REXO1: variants seen among roughly 807,000 people sequenced by gnomAD.
The protein encoded by REXO1 is RNA exonuclease 1 homolog.
REXO1 carries 42 observed loss-of-function variants against 102.6 expected under a neutral mutation model. That is an observed-to-expected ratio of 0.41 (90% CI 0.32 to 0.53). REXO1 has a LOEUF of 0.53. Ranked by LOEUF, REXO1 falls within the 20% of genes least tolerant of loss-of-function variation. REXO1 has a pLI of 0.27. For missense variants in REXO1, 1,819 were observed against 1,732.5 expected (o/e 1.05, Z -0.89); for synonymous variants, 908 against 779.1 (o/e 1.17, Z -2.76).
At chr19:1,847,582 G>A (rs2011603357) in intron 1 of REXO1, among the ~76,000 whole-genome samples, 1 of 152,202 alleles carries the variant, frequency 6.6e-6, no homozygotes, top group Admixed American at 6.5e-5. Context: ...ATGACGCTGT[G>A]AGGTGGAGTC....
chr19:1,828,658 G>C (rs760490118), intron 1 of REXO1, 27 bp from the exon 2 acceptor site: 29 of 1,568,864 alleles, frequency 1.8e-5, no homozygotes, highest in Non-Finnish European at 2.2e-5. Flanking sequence ...GCACAGCTGT[G>C]ACCAGCCTGC....
intron 1 of REXO1, among the ~76,000 whole-genome samples, chr19:1,832,224 G>A (rs189779591): frequency 2.6e-4 from 40 of 152,338 alleles, no homozygotes; most frequent in African/African-American, 6.7e-4. Flanking sequence ...GGAAAGGCGG[G>A]CACTGACTCT....
intron 12 of REXO1, 43 bp from the exon 13 acceptor site, chr19:1,816,856 C>T: frequency 7.1e-7 from 1 of 1,409,782 alleles, no homozygotes; most frequent in Non-Finnish European, 1.0e-6. Context: ...CAGGCACCGG[C>T]CTCCCTCCCT....
At chr19:1,835,603 G>A (rs896881096) in intron 1 of REXO1, among the ~76,000 whole-genome samples, 1 of 152,198 alleles carries the variant, frequency 6.6e-6, no homozygotes, top group Non-Finnish European at 1.5e-5. Flanking sequence ...GACTCTGGAA[G>A]TAGGAGGGGC....
chr19:1,819,184 C>T (rs1159441684), intron 7 of REXO1, 53 bp from the exon 8 acceptor site: 23 of 1,340,972 alleles, frequency 1.7e-5, no homozygotes, highest in Non-Finnish European at 2.1e-5. Flanking sequence ...GCTCAGACCC[C>T]TGCCCCGCCT....
At chr19:1,834,180 A>G (rs2069977485) in intron 1 of REXO1, among the ~76,000 whole-genome samples, 1 of 152,114 alleles carries the variant, frequency 6.6e-6, no homozygotes, top group South Asian at 2.1e-4. Flanking sequence ...CACAGGCAAT[A>G]CACACACCAG....
chr19:1,821,305 A>G (rs2069530494), intron 5 of REXO1, among the ~76,000 whole-genome samples: 2 of 149,930 alleles, frequency 1.3e-5, no homozygotes, highest in Admixed American at 6.6e-5. Context: ...AGATCGTGCC[A>G]CTGCACTCCA....
chr19:1,833,243 G>A (rs2069952958), intron 1 of REXO1, among the ~76,000 whole-genome samples: 1 of 152,194 alleles, frequency 6.6e-6, no homozygotes, highest in African/African-American at 2.4e-5. Context: ...ATAAAATTAA[G>A]TAGCATTTAG....
chr19:1,847,116 A>T (rs1447162278), intron 1 of REXO1, among the ~76,000 whole-genome samples: 1 of 152,136 alleles, frequency 6.6e-6, no homozygotes, highest in Admixed American at 6.6e-5. Flanking sequence ...CCTCAAACAC[A>T]GCGAAGACGC....
Position 1,848,408 on chromosome 19 carries a change from C to A in REXO1, c.-50G>T, listed in dbSNP as rs896456541. 9.5e-6 allele frequency: 11 copies of A among 1,161,998 alleles called. No homozygotes were observed. The highest frequency in any genetic ancestry group is 1.2e-5 in the Non-Finnish European group (11 of 938,420). The allele number at this position is 1,161,998 out of a possible 1,614,324, so 72.0% of individuals were successfully genotyped here. A position where few individuals can be genotyped will look rare whatever the true frequency, so the allele number is the denominator to read the frequency against. On this transcript the variant is annotated 5_prime_UTR_variant, in exon 1 of 16. Coordinates refer to ENST00000170168, the MANE Select transcript of REXO1 (RefSeq NM_020695.4). ...GCCCGGAGCCGCCCGGGCCCCAGGG[C>A]CCCCTCACTGGCGCCGCGGTCGCCG...
intron 1 of REXO1, among the ~76,000 whole-genome samples, chr19:1,829,922 C>T (rs1457385952): frequency 6.6e-6 from 1 of 152,206 alleles, no homozygotes; most frequent in Non-Finnish European, 1.5e-5. Context: ...GGACTATAGC[C>T]CAAGCTGCTG....
At chr19:1,823,503 T>A (rs989681393) in intron 4 of REXO1, 69 bp downstream of exon 4, 16 of 1,143,278 alleles carry the variant, frequency 1.4e-5, no homozygotes, top group Non-Finnish European at 1.8e-5. Flanking sequence ...CTCAGAGACC[T>A]CAGGGTGCCA....
At chr19:1,822,107 A>G (rs2069562756) in intron 4 of REXO1, 2 of 410,746 alleles carry the variant, frequency 4.9e-6, no homozygotes, top group Non-Finnish European at 8.5e-6. Context: ...CACAAACCAG[A>G]GGGAGGAGGC....
intron 1 of REXO1, among the ~76,000 whole-genome samples, chr19:1,839,664 T>C (rs1265188867): frequency 2.6e-5 from 4 of 152,248 alleles, no homozygotes; most frequent in Non-Finnish European, 5.9e-5. Flanking sequence ...TCTGAATACC[T>C]GCCCAGGACC....
chr19:1,848,027 G>C (rs961238251), intron 1 of REXO1, among the ~76,000 whole-genome samples, 175 bp downstream of exon 1: 8 of 152,248 alleles, frequency 5.3e-5, no homozygotes, highest in African/African-American at 1.9e-4. Flanking sequence ...GGGACATCTA[G>C]TGCTTTGCAC....
intron 3 of REXO1, among the ~76,000 whole-genome samples, chr19:1,825,231 CG>C (rs1177790559): frequency 7.5e-6 from 1 of 132,990 alleles, no homozygotes; most frequent in Non-Finnish European, 1.6e-5. Flanking sequence ...GCCCGGGAGG[CG>C]GAAGTTGCAG....
At chr19:1,817,068 G>A in intron 12 of REXO1, 151 bp downstream of exon 12, 1 of 961,776 alleles carries the variant, frequency 1.0e-6, no homozygotes, top group South Asian at 1.6e-5. Flanking sequence ...TGGGGTGTTG[G>A]TCCAGGGCAG....
rs751262221 is a variant in REXO1 at position 1,816,715 on chromosome 19, G to A, written c.3300C>T (p.Ile1100=). 43 of 1,612,630 alleles carry A rather than the reference G, an allele frequency of 2.7e-5. No homozygotes were observed. Among genetic ancestry groups the A allele is most frequent in the South Asian group, 3.3e-5 (3 of 91,060 alleles). The stretch of plus-strand genomic sequence containing the variant: ...GGCCACACCTGGTGTTGTAGTCCAC[G>A]ATCTCGTTGTCAGGCTTCACGAAGG... ...YDTFVKPDNE[I]VDYNTRFSGV... The change falls in exon 13 of 16, where the codon ATC becomes ATT. Residue 1100 remains isoleucine (I), a synonymous_variant. Transcript: ENST00000170168.
intron 1 of REXO1, among the ~76,000 whole-genome samples, chr19:1,833,058 C>CA (rs544363333): frequency 1.8e-4 from 28 of 151,984 alleles, no homozygotes; most frequent in African/African-American, 5.3e-4. Context: ...CCCGTCTCTA[C>CA]AAAAAAATAC....
Sources: gnomAD v4.1 joint callset for allele counts (sites outside exome capture counted in the v4.1 genomes callset) on GRCh38, gnomAD v4.1.1 for gene constraint, MANE v1.5 for transcripts, NCBI Gene and HGNC (gene_info 2026-07-23, HGNC 2026-07-21) for gene names.